The following RFX7 variants were observed in gnomAD, a reference collection of about 807,000 sequenced individuals.
RFX7 encodes the protein DNA-binding protein RFX7.
A neutral mutation model predicts 111.8 loss-of-function variants in RFX7; 26 were observed. That is an observed-to-expected ratio of 0.23 (90% CI 0.17 to 0.32). The LOEUF (loss-of-function observed/expected upper bound fraction) is 0.32, where lower values mean the gene tolerates loss of function less well. Among genes scored for constraint, RFX7 ranks in the 10% least tolerant of loss-of-function variants. The pLI, the probability that RFX7 is intolerant of heterozygous loss-of-function variation, is 1.00. For synonymous variants in RFX7, 624 were observed against 624.4 expected (o/e 1.00, Z 0.01); for missense variants, 1,573 against 1,772.9 (o/e 0.89, Z 2.02).
intron 2 of RFX7, among the ~76,000 whole-genome samples, chr15:56,210,605 G>T (rs952018862): frequency 6.6e-6 from 1 of 151,990 alleles, no homozygotes; most frequent in Non-Finnish European, 1.5e-5. Context: ...AAATTATAGA[G>T]TATCTCCCCT....
chr15:56,212,894 A>G (rs1596013006), intron 2 of RFX7, among the ~76,000 whole-genome samples: 1 of 152,314 alleles, frequency 6.6e-6, no homozygotes, highest in Middle Eastern at 3.4e-3. Flanking sequence ...GTTTGTATAA[A>G]TGGTAAACAA....
At chr15:56,144,518 T>TA (rs1405805054) in intron 3 of RFX7, 35 bp from the exon 4 acceptor site, 3 of 1,212,698 alleles carry the variant, frequency 2.5e-6, no homozygotes, top group Non-Finnish European at 3.4e-6. Flanking sequence ...AGATCATTTT[T>TA]AAAAAACACT....
At chr15:56,214,705 ACT>A (rs561721990) in intron 2 of RFX7, among the ~76,000 whole-genome samples, 6,754 of 138,310 alleles carry the variant, frequency 0.049, 221 homozygotes, top group Middle Eastern at 0.083. Flanking sequence ...AAAGAGCGAG[ACT>A]CTGTCTCAAA....
intron 2 of RFX7, among the ~76,000 whole-genome samples, chr15:56,187,630 T>C (rs2043055541): frequency 6.6e-6 from 1 of 152,014 alleles, no homozygotes; most frequent in Non-Finnish European, 1.5e-5. Context: ...AAAGGTGAAA[T>C]CCCAGAAAGG....
intron 5 of RFX7, among the ~76,000 whole-genome samples, chr15:56,114,467 AAAAG>A (rs2041981650): frequency 1.3e-5 from 2 of 151,806 alleles, no homozygotes; most frequent in Non-Finnish European, 2.9e-5. Flanking sequence ...AAGGAAAAGA[AAAAG>A]AAAAAAGAAA....
chr15:56,125,608 T>A (rs79315262), intron 5 of RFX7, among the ~76,000 whole-genome samples: 36 of 87,786 alleles, frequency 4.1e-4, no homozygotes, highest in African/African-American at 1.4e-3. Context: ...TCTGTGTGTG[T>A]GAGTGTGTGT....
rs892612489 is a variant in RFX7 at position 56,134,536 on chromosome 15, A to G, written c.401+8242T>C. Among the ~76,000 whole-genome samples, 3 of 151,640 alleles carry G rather than the reference A, an allele frequency of 2.0e-5. No homozygotes were observed. The East Asian group carries it at 5.8e-4, about 29-fold the overall frequency. On this transcript the variant is annotated intron_variant, in intron 5 of 9. Coordinates refer to ENST00000559447, the MANE Select transcript of RFX7 (RefSeq NM_022841.7). The stretch of plus-strand genomic sequence containing the variant: ...GCATTTCTTTCCTAATCATGCTATT[A>G]TAAAAACTCTCCCTTACCTACTACT...
Position 56,095,557 on chromosome 15 carries a change from G to A in RFX7, c.2171C>T (p.Ser724Leu). The A allele has an allele frequency of 2.5e-6, 4 of 1,613,876 alleles. No individual in the cohort carries two copies. Among genetic ancestry groups the A allele is most frequent in the Non-Finnish European group, 3.4e-6 (4 of 1,179,858 alleles). ...CAAGGGTTGATTTGCTCCTATGTGTGAACTGACATTTACTGATACCTTGCT... is the reference window on the plus strand; with the variant it reads ...CAAGGGTTGATTTGCTCCTATGTGTAAACTGACATTTACTGATACCTTGCT... ...IPSKVSVNVS[S>L]HIGANQPLNS... is the part of the protein sequence containing the mutation. Residue 724 changes from serine (S) to leucine (L), a missense_variant, in exon 10 of 10, where the codon TCA becomes TTA. Coordinates refer to ENST00000559447, the MANE Select transcript of RFX7 (RefSeq NM_022841.7).
chr15:56,220,596 T>C (rs764994841), intron 2 of RFX7, among the ~76,000 whole-genome samples: 2 of 152,188 alleles, frequency 1.3e-5, no homozygotes, highest in Non-Finnish European at 2.9e-5. Flanking sequence ...CTTTGTCAGA[T>C]GCATAGTTTG....
At position 56,223,090 on chromosome 15, in the gene RFX7, C is replaced by T. The variant is rs542989050; in HGVS notation, c.161+20035G>A. Among the ~76,000 whole-genome samples, 8 of 152,242 alleles carry T rather than the reference C, an allele frequency of 5.3e-5. No individual in the cohort carries two copies. In the East Asian group the frequency reaches 5.8e-4, roughly 11 times the overall value. ...CTTAATTAATGCCCAAGGTGCTGAGCGAGACCTCTCCAATTTAGCTGTTTG... is the reference window on the plus strand; with the variant it reads ...CTTAATTAATGCCCAAGGTGCTGAGTGAGACCTCTCCAATTTAGCTGTTTG... On this transcript the variant is annotated intron_variant, in intron 2 of 9. Coordinates refer to ENST00000559447, the MANE Select transcript of RFX7 (RefSeq NM_022841.7).
chr15:56,121,140 G>T (rs34144128), intron 5 of RFX7, among the ~76,000 whole-genome samples: 46,707 of 152,116 alleles, frequency 0.31, 8,111 homozygotes, highest in East Asian at 0.41. Context: ...TCAGACTGAA[G>T]AACTCTGTTT....
chr15:56,115,808 G>C (rs372340041), intron 5 of RFX7, among the ~76,000 whole-genome samples: 106 of 152,182 alleles, frequency 7.0e-4, no homozygotes, highest in African/African-American at 2.5e-3. Flanking sequence ...CGGGCGTGGT[G>C]GTGGGTGCCT....
intron 5 of RFX7, among the ~76,000 whole-genome samples, chr15:56,118,655 T>C (rs752601271): frequency 2.0e-5 from 3 of 152,214 alleles, no homozygotes; most frequent in Non-Finnish European, 4.4e-5. Flanking sequence ...GGGATAAACA[T>C]GGGAGTGCAG....
chr15:56,210,582 T>G (rs1408685337), intron 2 of RFX7, among the ~76,000 whole-genome samples: 1 of 152,060 alleles, frequency 6.6e-6, no homozygotes, highest in East Asian at 1.9e-4. Flanking sequence ...TTAACAAATT[T>G]TTTTAAAAAT....
At chr15:56,177,827 T>C (rs1352321701) in intron 3 of RFX7, among the ~76,000 whole-genome samples, 1 of 152,058 alleles carries the variant, frequency 6.6e-6, no homozygotes, top group Non-Finnish European at 1.5e-5. Context: ...ACATTAACAA[T>C]GAGACTCTTA....
intron 2 of RFX7, among the ~76,000 whole-genome samples, chr15:56,234,965 T>G (rs2414467): frequency 6.6e-6 from 1 of 152,082 alleles, no homozygotes; most frequent in East Asian, 1.9e-4. Flanking sequence ...CCCCTGGGAG[T>G]TGACGAAAGG....
chr15:56,232,798 T>A (rs959181580), intron 2 of RFX7, among the ~76,000 whole-genome samples: 1 of 152,182 alleles, frequency 6.6e-6, no homozygotes, highest in Non-Finnish European at 1.5e-5. Context: ...GCTGCCAGTA[T>A]CTTTGCTAAA....
At chr15:56,229,465 C>G (rs2043524632) in intron 2 of RFX7, among the ~76,000 whole-genome samples, 1 of 152,144 alleles carries the variant, frequency 6.6e-6, no homozygotes, top group Non-Finnish European at 1.5e-5. Context: ...CGGGGTTTCA[C>G]CGTGTTAGCC....
intron 2 of RFX7, among the ~76,000 whole-genome samples, chr15:56,215,285 C>T (rs1205725222): frequency 2.6e-5 from 4 of 151,962 alleles, no homozygotes; most frequent in Non-Finnish European, 5.9e-5. Context: ...TTTTCAAATC[C>T]AGTTGGTTGA....
Sources: allele counts gnomAD v4.1 joint callset (sites outside exome capture counted in the v4.1 genomes callset), GRCh38; gene constraint gnomAD v4.1.1; transcripts MANE v1.5; gene names NCBI Gene and HGNC (gene_info 2026-07-23, HGNC 2026-07-21).